The following CCDC14 variants were observed in gnomAD, a reference collection of about 807,000 sequenced individuals.
The protein encoded by CCDC14 is coiled-coil domain containing 14.
CCDC14 carries 71 observed loss-of-function variants against 81.4 expected under a neutral mutation model. The ratio of observed to expected loss-of-function variants is 0.87; its 90% confidence interval spans 0.72 to 1.06. The LOEUF (loss-of-function observed/expected upper bound fraction) is 1.06, where lower values mean the gene tolerates loss of function less well. CCDC14 is among the 50% of genes least tolerant of loss of function. The pLI is 0.00. For missense variants in CCDC14, 1,046 were observed against 1,047.3 expected (o/e 1.00, Z 0.02); for synonymous variants, 332 against 364.8 (o/e 0.91, Z 1.03).
chr3:123,955,683 C>T (rs1229316640), intron 5 of CCDC14, 160 bp downstream of exon 5: 1 of 508,566 alleles, frequency 2.0e-6, no homozygotes, highest in Non-Finnish European at 3.2e-6. Flanking sequence ...GCAAAGTGGA[C>T]TACTCAGTGA....
downstream of CCDC14, among the ~76,000 whole-genome samples, chr3:123,910,106 T>C (rs2034408903): frequency 6.6e-6 from 1 of 152,120 alleles, no homozygotes; most frequent in African/African-American, 2.4e-5. Context: ...AACCTTAGTC[T>C]TCGAGGAAAT....
Position 123,915,727 on chromosome 3 carries a change from A to C in CCDC14, c.1779-9T>G, listed in dbSNP as rs2034643536. On this transcript the variant is annotated splice_polypyrimidine_tract_variant and intron_variant, in intron 12 of 12. Coordinates refer to ENST00000409697, the MANE Select transcript of CCDC14 (RefSeq NM_001366335.1). ...TGCTAGTCTGTAAAGTTCTGTTAAG[A>C]AGAATCCAGAACACTAATTATTATT... 3 of 1,569,436 alleles carry C rather than the reference A, an allele frequency of 1.9e-6. No homozygotes were observed. In the Admixed American group the frequency reaches 5.6e-5, roughly 29 times the overall value.
chr3:123,915,721 G>A lies in CCDC14; in HGVS notation c.1779-3C>T. The A allele has an allele frequency of 6.3e-7, 1 of 1,587,440 alleles. No individual in the cohort carries two copies. The highest frequency in any genetic ancestry group is 8.6e-7 in the Non-Finnish European group (1 of 1,167,028). Reference sequence around the variant, plus strand: ...TTGCCATGCTAGTCTGTAAAGTTCTGTTAAGAAGAATCCAGAACACTAATT... The same window carrying A: ...TTGCCATGCTAGTCTGTAAAGTTCTATTAAGAAGAATCCAGAACACTAATT... On this transcript the variant is annotated splice_region_variant and splice_polypyrimidine_tract_variant and intron_variant, in intron 12 of 12. Coordinates refer to ENST00000409697, the MANE Select transcript of CCDC14 (RefSeq NM_001366335.1).
chr3:123,942,399 G>A (rs1284557580), intron 9 of CCDC14, among the ~76,000 whole-genome samples: 1 of 151,890 alleles, frequency 6.6e-6, no homozygotes, highest in Non-Finnish European at 1.5e-5. Context: ...AATTTATGCT[G>A]GTAATAGGAA....
At chr3:123,896,887 T>C (rs917072450), downstream of CCDC14, among the ~76,000 whole-genome samples, 2 of 152,328 alleles carry the variant, frequency 1.3e-5, no homozygotes, top group Non-Finnish European at 1.5e-5. Context: ...AATAAGATAA[T>C]AGCGATTTAA....
At chr3:123,946,291 C>T (rs888121176) in intron 8 of CCDC14, among the ~76,000 whole-genome samples, 1 of 151,802 alleles carries the variant, frequency 6.6e-6, no homozygotes, top group Non-Finnish European at 1.5e-5. Flanking sequence ...GAATCTGGCT[C>T]AGAAACACCT....
downstream of CCDC14, among the ~76,000 whole-genome samples, chr3:123,910,468 C>CT (rs2034419622): frequency 6.6e-6 from 1 of 152,006 alleles, no homozygotes. Flanking sequence ...AAGTCACAGA[C>CT]TGTACAGTGC....
rs373790379 is a variant in CCDC14, at chr3:123,956,956, G to C, written c.31-161C>G. ...TACCTTTCCATCCCCTCTTCTCCCT[G>C]ACCCTAGCAACTATCATCCTAGTTT... is the stretch of plus-strand genomic sequence containing the variant. On this transcript the variant is annotated intron_variant, in intron 1 of 12. Coordinates refer to ENST00000409697, the MANE Select transcript of CCDC14 (RefSeq NM_001366335.1). 888 of 479,648 alleles carry C rather than the reference G, an allele frequency of 1.9e-3. 26 individuals are homozygous for C. In the South Asian group the frequency reaches 0.029, roughly 16 times the overall value. The allele number at this position is 479,648 out of a possible 1,614,324, so 29.7% of individuals were successfully genotyped here. A position where few individuals can be genotyped will look rare whatever the true frequency, so the allele number is the denominator to read the frequency against.
intron 8 of CCDC14, among the ~76,000 whole-genome samples, chr3:123,945,953 T>C (rs2036602550): frequency 6.6e-6 from 1 of 152,076 alleles, no homozygotes; most frequent in Non-Finnish European, 1.5e-5. Context: ...ATAAAACACT[T>C]AGCACTGTGC....
rs777519982 is a variant in CCDC14 at position 123,947,277 on chromosome 3, T to C, written c.727A>G (p.Lys243Glu). The C allele has an allele frequency of 1.9e-6, 3 of 1,613,164 alleles. No homozygotes were observed. Among genetic ancestry groups the C allele is most frequent in the Admixed American group, 3.3e-5 (2 of 60,000 alleles). Residue 243 changes from lysine to glutamate, a missense_variant, in exon 8 of 13, where the codon AAA (lysine) becomes GAA (glutamate). Transcript: ENST00000409697. ...DGNSQFASQG[K>E]TVSATCTDVL... ...TCAGTACAGGTTGCAGAAACTGTTT[T>C]ACCTTGTGATGCAAACTGACTGTTG...
At chr3:123,922,069 G>A (rs1343776002) in intron 12 of CCDC14, among the ~76,000 whole-genome samples, 1 of 152,116 alleles carries the variant, frequency 6.6e-6, no homozygotes, top group East Asian at 1.9e-4. Flanking sequence ...AATCAATAAC[G>A]AGAAATTTTG....
intron 9 of CCDC14, among the ~76,000 whole-genome samples, chr3:123,939,733 G>A (rs1328851824): frequency 1.3e-5 from 2 of 151,744 alleles, no homozygotes; most frequent in African/African-American, 2.4e-5. Flanking sequence ...ATTTGTTAGA[G>A]TGAGTGTTAG....
At chr3:123,932,097 C>T (rs999839285) in intron 10 of CCDC14, among the ~76,000 whole-genome samples, 4 of 152,042 alleles carry the variant, frequency 2.6e-5, no homozygotes, top group South Asian at 2.1e-4. Flanking sequence ...ACATGCTCAG[C>T]GAATGCTTCC....
intron 12 of CCDC14, chr3:123,930,851 A>G: frequency 5.3e-6 from 2 of 379,732 alleles, no homozygotes; most frequent in Non-Finnish European, 9.3e-6. Context: ...GTGTTGCTAT[A>G]CAAGTCTTCA....
intron 1 of CCDC14, among the ~76,000 whole-genome samples, chr3:123,960,228 C>T (rs921953828): frequency 1.3e-5 from 2 of 152,182 alleles, no homozygotes; most frequent in African/African-American, 2.4e-5. Flanking sequence ...ATATCTCCTA[C>T]CAACAAGTAC....
downstream of CCDC14, among the ~76,000 whole-genome samples, chr3:123,911,283 G>T (rs961696520): frequency 6.6e-6 from 1 of 152,106 alleles, no homozygotes; most frequent in Non-Finnish European, 1.5e-5. Flanking sequence ...AATAGTGCCC[G>T]GTTCTCTACA....
At chr3:123,902,487 C>G (rs2034197582) in intron 5 of CCDC14, among the ~76,000 whole-genome samples, 1 of 152,204 alleles carries the variant, frequency 6.6e-6, no homozygotes. Context: ...TCTGATCAAG[C>G]TTTTAGATTC....
At position 123,903,904 on chromosome 3, in the gene CCDC14, G is replaced by A. The variant is rs558751857; in HGVS notation, c.668-6291C>T. ...ACAGCAGCTTCTGGAATGTGACAGA[G>A]ACAGCAGTTCTCTTGGAGAGAAGGG... is the stretch of plus-strand genomic sequence containing the variant. On this transcript the variant is annotated intron_variant, in intron 5 of 5. Transcript: ENST00000479903. 4.6e-5 allele frequency among the ~76,000 whole-genome samples: 7 copies of A among 152,294 alleles called. No individual in the cohort carries two copies. In the South Asian group the frequency reaches 1.4e-3, roughly 32 times the overall value.
intron 1 of CCDC14, among the ~76,000 whole-genome samples, chr3:123,959,188 T>C (rs2037521847): frequency 6.6e-6 from 1 of 152,250 alleles, no homozygotes; most frequent in African/African-American, 2.4e-5. Context: ...GATATAGTTC[T>C]ATATTTAATT....
Sources: gnomAD v4.1 joint callset for allele counts (sites outside exome capture counted in the v4.1 genomes callset) on GRCh38, gnomAD v4.1.1 for gene constraint, MANE v1.5 for transcripts, NCBI Gene and HGNC (gene_info 2026-07-23, HGNC 2026-07-21) for gene names.